The following ENTPD6 variants were observed in gnomAD, a reference collection of about 807,000 sequenced individuals.
ENTPD6 encodes the protein CD39 antigen-like 2.
Under a neutral mutation model 61.5 loss-of-function variants are expected in ENTPD6, and 46 were observed. That is an observed-to-expected ratio of 0.75 (90% CI 0.59 to 0.96). The LOEUF (loss-of-function observed/expected upper bound fraction) is 0.96. ENTPD6 is among the 40% of genes least tolerant of loss of function. The pLI is 0.00. For synonymous variants in ENTPD6, 252 were observed against 255.5 expected, an observed-to-expected ratio of 0.99 and a Z score of 0.13; for missense variants, 612 against 629.0, an observed-to-expected ratio of 0.97 and a Z score of 0.29.
chr20:25,211,490 T>A (rs2091957501), intron 4 of ENTPD6, among the ~76,000 whole-genome samples: 1 of 152,234 alleles, frequency 6.6e-6, no homozygotes, highest in African/African-American at 2.4e-5. Flanking sequence ...TTGAGGCTGG[T>A]TGATGTGTAT....
rs761444831 is a variant in ENTPD6, at chr20:25,216,654, T to G, written c.716T>G (p.Leu239Trp). ...TTTGCTTGCTGTGCTCCAGGCAGCTTGAAAACTCCAGGAGGGAGCAGCGTG... is the reference window on the plus strand; with the variant it reads ...TTTGCTTGCTGTGCTCCAGGCAGCTGGAAAACTCCAGGAGGGAGCAGCGTG... ...WITINFLTGS[L>W]KTPGGSSVGM... The change falls in exon 8 of 15, where the codon TTG becomes TGG. Residue 239 changes from leucine to tryptophan, a missense_variant. Transcript: ENST00000376652. 3.1e-5 allele frequency: 49 copies of G among 1,603,730 alleles called. No individual in the cohort carries two copies. Among genetic ancestry groups the G allele is most frequent in the Non-Finnish European group, 3.7e-5 (44 of 1,175,636 alleles).
chr20:25,221,064 A>C (rs1159942765), intron 10 of ENTPD6, among the ~76,000 whole-genome samples, 168 bp from the exon 11 acceptor site: 1 of 152,212 alleles, frequency 6.6e-6, no homozygotes, highest in Non-Finnish European at 1.5e-5. Flanking sequence ...CTGGCCAACG[A>C]GGCTTTGCTG....
intron 8 of ENTPD6, 68 bp from the exon 9 acceptor site, chr20:25,217,434 T>A: frequency 2.1e-6 from 3 of 1,434,636 alleles, no homozygotes; most frequent in Non-Finnish European, 2.9e-6. Context: ...TTCAAATGAA[T>A]TCAGTGGGTG....
chr20:25,205,227 G>A (rs968428260), intron 1 of ENTPD6, among the ~76,000 whole-genome samples: 3 of 152,144 alleles, frequency 2.0e-5, no homozygotes, highest in African/African-American at 7.2e-5. Flanking sequence ...TATGAATACT[G>A]GTTTCATCAC....
intron 4 of ENTPD6, among the ~76,000 whole-genome samples, chr20:25,210,713 G>A (rs922603451): frequency 4.6e-5 from 7 of 152,158 alleles, no homozygotes; most frequent in East Asian, 1.9e-4. Flanking sequence ...AGGCTGACGC[G>A]GGTGGATCAC....
At chr20:25,216,617 C>T in intron 7 of ENTPD6, 31 bp from the exon 8 acceptor site, 1 of 1,537,760 alleles carries the variant, frequency 6.5e-7, no homozygotes, top group Non-Finnish European at 8.9e-7. Flanking sequence ...TTACTAATGC[C>T]CCTGTGCTGT....
chr20:25,200,340 G>A (rs1367031693), intron 1 of ENTPD6, among the ~76,000 whole-genome samples: 1 of 149,476 alleles, frequency 6.7e-6, no homozygotes, highest in Non-Finnish European at 1.5e-5. Flanking sequence ...CAGAGCAGAT[G>A]TACTATTTAC....
intron 4 of ENTPD6, among the ~76,000 whole-genome samples, chr20:25,210,257 T>G (rs1295413472): frequency 2.6e-5 from 4 of 152,258 alleles, no homozygotes; most frequent in African/African-American, 9.6e-5. Flanking sequence ...TATTCAAATT[T>G]TTACGCTAAT....
chr20:25,225,926 G>A lies in ENTPD6; in HGVS notation c.*329G>A. The A allele has an allele frequency of 4.4e-6, 1 of 224,770 alleles. No individual in the cohort carries two copies. The highest frequency in any genetic ancestry group is 8.7e-6 in the Non-Finnish European group (1 of 114,702). The allele number at this position is 224,770 out of a possible 1,614,324, so 13.9% of individuals were successfully genotyped here. A position where few individuals can be genotyped will look rare whatever the true frequency, so the allele number is the denominator to read the frequency against. ...GTCCCATCCCCATGCCCCGTCCGCG[G>A]GGCTGTGGCTGCTGCTGTGCATGTC... On this transcript the variant is annotated 3_prime_UTR_variant, in exon 15 of 15. Coordinates refer to ENST00000376652, the MANE Select transcript of ENTPD6 (RefSeq NM_001247.5).
rs1568641288 is a variant in ENTPD6, at chr20:25,218,617, GA to G, written c.943+4del. 6.2e-7 allele frequency: 1 copy of G among 1,601,138 alleles called. No homozygotes were observed. Among genetic ancestry groups the G allele is most frequent in the African/African-American group, 1.3e-5 (1 of 74,938 alleles). On this transcript the variant is annotated splice_donor_region_variant and intron_variant, in intron 10 of 14. Transcript: ENST00000376652. ...GGGCGGCGTGGAGGGGCAGCCTGGT[GA>G]GTGGACATGTTGCCCCGGGCCCACT...
chr20:25,214,913 G>A lies in ENTPD6; in HGVS notation c.644G>A (p.Cys215Tyr), dbSNP rs199678910. 45 of 1,609,730 alleles carry A rather than the reference G, an allele frequency of 2.8e-5. No homozygotes were observed. The highest frequency in any genetic ancestry group is 5.0e-5 in the Admixed American group (3 of 60,014). Residue 215 changes from cysteine to tyrosine, a missense_variant, in exon 6 of 15, where the codon TGT becomes TAT. Transcript: ENST00000376652. The stretch of plus-strand genomic sequence containing the variant: ...TCGCCTTTCCTTGTAGGGGATGACT[G>A]TGTTTCCATCATGAACGGAACAGAT... ...KASPFLVGDD[C>Y]VSIMNGTDEG...
intron 12 of ENTPD6, 135 bp from the exon 13 acceptor site, chr20:25,223,966 A>T: frequency 1.4e-6 from 1 of 736,678 alleles, no homozygotes; most frequent in Non-Finnish European, 2.2e-6. Context: ...TGCCGCCTAC[A>T]GCTGGAGGGC....
intron 1 of ENTPD6, among the ~76,000 whole-genome samples, chr20:25,204,002 T>C (rs1285291498): frequency 6.6e-6 from 1 of 152,262 alleles, no homozygotes; most frequent in East Asian, 1.9e-4. Flanking sequence ...CCTGTGTATG[T>C]GTTTTTTTCA....
At chr20:25,224,068 G>A in intron 12 of ENTPD6, 33 bp from the exon 13 acceptor site, 7 of 1,603,912 alleles carry the variant, frequency 4.4e-6, no homozygotes, top group Non-Finnish European at 6.0e-6. Context: ...ACCTCACAGT[G>A]CTCCTGCAGA....
chr20:25,213,454 C>G (rs751706510), intron 5 of ENTPD6, 48 bp downstream of exon 5: 21 of 1,541,652 alleles, frequency 1.4e-5, no homozygotes, highest in Non-Finnish European at 2.6e-6. Flanking sequence ...TCAGGGGCAA[C>G]TGATGACTGA....
At chr20:25,211,622 G>T (rs2091965879) in intron 4 of ENTPD6, among the ~76,000 whole-genome samples, 1 of 152,214 alleles carries the variant, frequency 6.6e-6, no homozygotes, top group South Asian at 2.1e-4. Flanking sequence ...GTCGGCATGT[G>T]CAGAGCCTCC....
intron 5 of ENTPD6, among the ~76,000 whole-genome samples, chr20:25,214,162 C>T (rs1298958796): frequency 6.6e-6 from 1 of 152,186 alleles, no homozygotes. Flanking sequence ...TCTCCAGCTG[C>T]CCAGCATTCC....
At chr20:25,212,271 T>C (rs571589312) in intron 4 of ENTPD6, among the ~76,000 whole-genome samples, 2 of 152,286 alleles carry the variant, frequency 1.3e-5, no homozygotes, top group South Asian at 2.1e-4. Context: ...GTGAAGTGGC[T>C]CCTCGTTGTA....
At chr20:25,208,097 C>T (rs1047854177) in intron 3 of ENTPD6, among the ~76,000 whole-genome samples, 2 of 152,224 alleles carry the variant, frequency 1.3e-5, no homozygotes, top group Admixed American at 1.3e-4. Flanking sequence ...CAGGCAGGTC[C>T]CCTGGGTGTC....
Sources: gnomAD v4.1 joint callset for allele counts (sites outside exome capture counted in the v4.1 genomes callset) on GRCh38, gnomAD v4.1.1 for gene constraint, MANE v1.5 for transcripts, NCBI Gene and HGNC (gene_info 2026-07-23, HGNC 2026-07-21) for gene names.